RPA3: variants seen among roughly 807,000 people sequenced by gnomAD.
The protein encoded by RPA3 is replication protein A 14 kDa subunit.
A neutral mutation model predicts 13.7 loss-of-function variants in RPA3; 24 were observed. The ratio of observed to expected loss-of-function variants is 1.75; its 90% CI spans 1.27 to 2.46. The LOEUF is 2.46. Ranked by LOEUF, RPA3 falls within the 30% of genes most tolerant of loss-of-function variation. The pLI is 0.00. For missense variants in RPA3, 183 were observed against 151.0 expected (o/e 1.21, Z -1.11); for synonymous variants, 59 against 51.2 (o/e 1.15, Z -0.65).
intron 1 of RPA3, among the ~76,000 whole-genome samples, chr7:7,715,455 T>C (rs1486177728): frequency 6.6e-6 from 1 of 152,204 alleles, no homozygotes; most frequent in African/African-American, 2.4e-5. Context: ...GGAAGTGCAC[T>C]CTTATTTCAA....
At chr7:7,704,766 CAAAAAAA>C (rs71011001) in intron 2 of RPA3, among the ~76,000 whole-genome samples, 2 of 17,824 alleles carry the variant, frequency 1.1e-4, no homozygotes, top group African/African-American at 4.2e-4. Flanking sequence ...GACTCCATCT[CAAAAAAA>C]AAAAAAAAAA....
At chr7:7,640,147 G>A in intron 5 of RPA3, 173 bp downstream of exon 5, 3 of 662,804 alleles carry the variant, frequency 4.5e-6, no homozygotes, top group East Asian at 5.5e-5. Flanking sequence ...ATAAAAGAGC[G>A]CCAAAATGGG....
chr7:7,646,772 C>G lies in RPA3; in HGVS notation c.-757-5597G>C, dbSNP rs927297724. The stretch of plus-strand genomic sequence containing the variant: ...TCTGACCGTCCCCAGCCAAACTCCC[C>G]TCGACACTCAGATGCTTCCTCTCTT... On this transcript the variant is annotated intron_variant, in intron 4 of 7. Transcript: ENST00000223129. 2.0e-5 allele frequency among the ~76,000 whole-genome samples: 3 copies of G among 152,042 alleles called. No individual in the cohort carries two copies. The East Asian group carries it at 5.8e-4, about 29-fold the overall frequency.
intron 4 of RPA3, among the ~76,000 whole-genome samples, chr7:7,646,267 G>A (rs1388070392): frequency 6.6e-6 from 1 of 150,918 alleles, no homozygotes; most frequent in Non-Finnish European, 1.5e-5. Flanking sequence ...ATTGAGTGAT[G>A]GAGGTGGCTC....
chr7:7,690,935 A>G (rs895817366), intron 2 of RPA3, among the ~76,000 whole-genome samples: 3 of 152,196 alleles, frequency 2.0e-5, no homozygotes, highest in Non-Finnish European at 4.4e-5. Flanking sequence ...AGGTCCAGAT[A>G]TATTTAAATG....
intron 4 of RPA3, among the ~76,000 whole-genome samples, chr7:7,644,882 A>C (rs2115544466): frequency 6.6e-6 from 1 of 152,334 alleles, no homozygotes; most frequent in East Asian, 1.9e-4. Context: ...TCAAAATTGC[A>C]CTGTATCCTT....
intron 2 of RPA3, among the ~76,000 whole-genome samples, chr7:7,701,697 G>C (rs559084503): frequency 6.6e-6 from 1 of 152,028 alleles, no homozygotes; most frequent in East Asian, 1.9e-4. Context: ...AGAATGACAG[G>C]GTATTTACTT....
At chr7:7,642,641 T>G (rs1785000454) in intron 4 of RPA3, among the ~76,000 whole-genome samples, 1 of 152,196 alleles carries the variant, frequency 6.6e-6, no homozygotes. Flanking sequence ...TAAAATATTA[T>G]AAAATACATG....
chr7:7,679,851 T>C (rs978774444), intron 4 of RPA3, among the ~76,000 whole-genome samples: 1 of 151,412 alleles, frequency 6.6e-6, no homozygotes, highest in African/African-American at 2.4e-5. Flanking sequence ...AGGCGTGAGC[T>C]GCTATGCCTG....
chr7:7,662,862 G>A (rs1013199298), intron 4 of RPA3, among the ~76,000 whole-genome samples: 40 of 152,256 alleles, frequency 2.6e-4, no homozygotes, highest in Admixed American at 2.2e-3. Flanking sequence ...TTAAAAGAAA[G>A]ATATAATGAT....
At position 7,696,741 on chromosome 7, in the gene RPA3, C is replaced by T. The variant is rs984893252; in HGVS notation, c.-1027-9413G>A. 9.9e-5 allele frequency among the ~76,000 whole-genome samples: 15 copies of T among 152,148 alleles called. No homozygotes were observed. The East Asian group carries it at 1.3e-3, about 14-fold the overall frequency. On this transcript the variant is annotated intron_variant, in intron 2 of 7. Coordinates refer to ENST00000223129, the MANE Select transcript of RPA3 (RefSeq NM_002947.5). The stretch of plus-strand genomic sequence containing the variant: ...CTCAAAGTCAGCTCTCAATAGTGGG[C>T]ACTGATTCTTGCCAACTGGTTTACC...
chr7:7,643,669 G>T (rs916533608), intron 4 of RPA3, among the ~76,000 whole-genome samples: 3 of 148,474 alleles, frequency 2.0e-5, no homozygotes, highest in Non-Finnish European at 4.4e-5. Context: ...CCGAGATCGC[G>T]CCACTTCACT....
Position 7,639,134 on chromosome 7 carries a change from G to C in RPA3, c.110C>G (p.Thr37Ser). The part of the protein sequence containing the change: ...FVGRLEKIHP[T>S]GKMFILSDGE... ...ATCTGAAAGAATAAACATTTTTCCG[G>C]TGGGATGAATCTAAAAACGAAACAT... is the stretch of plus-strand genomic sequence containing the variant. Residue 37 changes from threonine (T) to serine (S), a missense_variant, in exon 6 of 8, where the codon ACC (threonine) becomes AGC (serine). Physicochemically the swap from Thr to Ser is moderately conservative, Grantham distance 58. Transcript: ENST00000223129. 6.2e-7 allele frequency: 1 copy of C among 1,608,734 alleles called. No individual in the cohort carries two copies. The highest frequency in any genetic ancestry group is 8.5e-7 in the Non-Finnish European group (1 of 1,178,132).
intron 4 of RPA3, among the ~76,000 whole-genome samples, chr7:7,660,349 G>T (rs1311729293): frequency 6.6e-6 from 1 of 152,174 alleles, no homozygotes; most frequent in Non-Finnish European, 1.5e-5. Flanking sequence ...CCATTATTAT[G>T]CCAGCTGGTT....
intron 2 of RPA3, among the ~76,000 whole-genome samples, chr7:7,699,192 T>C (rs931354979): frequency 2.6e-5 from 4 of 152,064 alleles, no homozygotes; most frequent in African/African-American, 9.7e-5. Context: ...AGTTGACTGA[T>C]TATGGGAATG....
At chr7:7,648,718 G>C (rs186556369) in intron 4 of RPA3, among the ~76,000 whole-genome samples, 4 of 152,064 alleles carry the variant, frequency 2.6e-5, no homozygotes, top group African/African-American at 9.6e-5. Context: ...GGCCATGGTG[G>C]TGTGTGTGCC....
intron 4 of RPA3, among the ~76,000 whole-genome samples, chr7:7,653,056 C>T (rs561460331): frequency 6.0e-4 from 92 of 152,298 alleles, no homozygotes; most frequent in African/African-American, 2.0e-3. Flanking sequence ...TTAATTCTCC[C>T]TTAGGACATT....
At chr7:7,707,011 C>T (rs1671657993) in intron 2 of RPA3, among the ~76,000 whole-genome samples, 1 of 152,138 alleles carries the variant, frequency 6.6e-6, no homozygotes, top group Non-Finnish European at 1.5e-5. Context: ...CATTTTTAGT[C>T]AGTCTCTAGA....
At chr7:7,646,480 A>ATTTTTT (rs35948027) in intron 4 of RPA3, among the ~76,000 whole-genome samples, 7 of 111,338 alleles carry the variant, frequency 6.3e-5, no homozygotes, top group South Asian at 3.1e-4. Context: ...CTTTCGCTGG[A>ATTTTTT]TTTTTTTTTT....
Sources: gnomAD v4.1 joint callset for allele counts (sites outside exome capture counted in the v4.1 genomes callset) on GRCh38, gnomAD v4.1.1 for gene constraint, MANE v1.5 for transcripts, NCBI Gene and HGNC (gene_info 2026-07-23, HGNC 2026-07-21) for gene names.